ZNF738: variants seen among roughly 807,000 people sequenced by gnomAD.
The protein encoded by ZNF738 is zinc finger protein 738.
ZNF738 carries 10 observed loss-of-function variants against 9.2 expected under a neutral mutation model. The ratio of observed to expected loss-of-function variants is 1.09; its 90% CI spans 0.67 to 1.85. The LOEUF is 1.85. Ranked by LOEUF, ZNF738 falls within the 40% of genes most tolerant of loss-of-function variation. ZNF738 has a pLI of 0.00. For synonymous variants in ZNF738, 113 were observed against 94.5 expected (o/e 1.20, Z -1.14); for missense variants, 346 against 283.6 (o/e 1.22, Z -1.58).
In ZNF738 at chr19:21,386,668, A is replaced by C. The variant is rs1810509887; in HGVS notation, c.*2994A>C. 5.2e-6 allele frequency: 1 copy of C among 192,206 alleles called. No individual in the cohort carries two copies. The highest frequency in any genetic ancestry group is 2.4e-5 in the African/African-American group (1 of 42,146). 11.9% of individuals were successfully genotyped at this position (192,206 alleles called of 1,614,324 possible). A position where few individuals can be genotyped will look rare whatever the true frequency, so the allele number is the denominator to read the frequency against. ...AAAATTCATATTGGAGATTAACCTT[A>C]TGAGTGTGAAAAATATGGCAAAAGC... On this transcript the variant is annotated 3_prime_UTR_variant, in exon 5 of 5. Transcript: ENST00000683779.
At chr19:21,376,212 A>G (rs903072139) in intron 4 of ZNF738, 6 of 333,350 alleles carry the variant, frequency 1.8e-5, no homozygotes, top group African/African-American at 8.8e-5. Context: ...TTTTCCTTCA[A>G]GTTCACAGTG....
intron 2 of ZNF738, among the ~76,000 whole-genome samples, chr19:21,371,546 T>C (rs1973857122): frequency 6.6e-6 from 1 of 152,168 alleles, no homozygotes; most frequent in Non-Finnish European, 1.5e-5. Context: ...AACAAACTAA[T>C]TGCTTCCACT....
intron 2 of ZNF738, among the ~76,000 whole-genome samples, chr19:21,374,827 GA>G (rs569763815): frequency 3.4e-4 from 50 of 145,976 alleles, no homozygotes; most frequent in Admixed American, 6.9e-4. Flanking sequence ...CACATCTTCT[GA>G]AAAAAAAAAA....
intron 2 of ZNF738, among the ~76,000 whole-genome samples, chr19:21,368,242 C>CT (rs1265770800): frequency 2.6e-5 from 4 of 152,046 alleles, no homozygotes; most frequent in Admixed American, 6.6e-5. Flanking sequence ...CCTCTTTGTC[C>CT]TTTTATCCTT....
In ZNF738 at chr19:21,364,815, G is replaced by A. The variant is rs181696765; in HGVS notation, c.96+2957G>A. On this transcript the variant is annotated intron_variant, in intron 2 of 4. Coordinates refer to ENST00000683779, the MANE Select transcript of ZNF738 (RefSeq NM_001355237.2). The stretch of plus-strand genomic sequence containing the variant: ...GGCTGGAGTGCAGTGGCATGATCTC[G>A]ACTCATGGCAACTTCTGCCTTCTGG... Among the ~76,000 whole-genome samples, 133 of 143,652 alleles carry A rather than the reference G, an allele frequency of 9.3e-4. 1 individual carries two copies. In the East Asian group the frequency reaches 0.012, roughly 13 times the overall value. The allele number at this position is 143,652 out of a possible 152,430, so 94.2% of individuals were successfully genotyped here.
chr19:21,368,090 G>GAA (rs1190440420), intron 2 of ZNF738, among the ~76,000 whole-genome samples: 1 of 152,156 alleles, frequency 6.6e-6, no homozygotes, highest in Non-Finnish European at 1.5e-5. Context: ...TGCACGCATG[G>GAA]GTTTTTCTTA....
At chr19:21,373,368 G>A (rs759996674) in intron 2 of ZNF738, among the ~76,000 whole-genome samples, 31 of 152,136 alleles carry the variant, frequency 2.0e-4, no homozygotes, top group Non-Finnish European at 4.3e-4. Flanking sequence ...AGTGTGTGGG[G>A]TTCAAGATAC....
Position 21,359,012 on chromosome 19 carries a change from C to A in ZNF738, c.-129C>A, listed in dbSNP as rs565586694. The A allele has an allele frequency of 5.8e-5, 44 of 758,926 alleles. No individual in the cohort carries two copies. Among genetic ancestry groups the A allele is most frequent in the South Asian group, 5.8e-4 (43 of 74,496 alleles). 47.0% of individuals were successfully genotyped at this position (758,926 alleles called of 1,614,324 possible). A position where few individuals can be genotyped will look rare whatever the true frequency, so the allele number is the denominator to read the frequency against. ...TGTCCGCTTCTTTGTCTTTGGCTGC[C>A]GCTGGAACTCCGGGTCTCGTCTTCA... On this transcript the variant is annotated 5_prime_UTR_variant, in exon 1 of 5. Transcript: ENST00000683779.
At chr19:21,368,926 C>T (rs1361866002) in intron 2 of ZNF738, among the ~76,000 whole-genome samples, 7 of 151,930 alleles carry the variant, frequency 4.6e-5, no homozygotes, top group Non-Finnish European at 7.4e-5. Context: ...TTAGTAGACA[C>T]GGGGTTTTAG....
At chr19:21,368,377 T>C (rs922455960) in intron 2 of ZNF738, among the ~76,000 whole-genome samples, 1 of 152,226 alleles carries the variant, frequency 6.6e-6, no homozygotes, top group Non-Finnish European at 1.5e-5. Flanking sequence ...CTAAGAATAA[T>C]GGTCTCCAGC....
chr19:21,386,030 C>G lies in ZNF738; in HGVS notation c.*2356C>G, dbSNP rs1974063522. Among the ~76,000 whole-genome samples the G allele has an allele frequency of 6.6e-6, 1 of 151,876 alleles. No individual in the cohort carries two copies. The highest frequency in any genetic ancestry group is 2.4e-5 in the African/African-American group (1 of 41,318). ...GAAACCCTACAAATATGAAGAATAT[C>G]TCAAAACTTTTTATAGATTCTCATA... On this transcript the variant is annotated 3_prime_UTR_variant, in exon 5 of 5. Transcript: ENST00000683779.
intron 4 of ZNF738, chr19:21,377,990 T>C (rs1223485876): frequency 5.0e-6 from 2 of 397,110 alleles, no homozygotes; most frequent in Non-Finnish European, 8.9e-6. Context: ...TTCTTTCTTA[T>C]GTTGTTTTCT....
intron 2 of ZNF738, 146 bp downstream of exon 2, chr19:21,362,004 C>T: frequency 3.7e-6 from 2 of 535,732 alleles, no homozygotes; most frequent in East Asian, 3.3e-5. Context: ...ATCACTTGAT[C>T]CCGGGAGGCA....
intron 4 of ZNF738, chr19:21,381,488 C>A (rs902311865): frequency 9.1e-7 from 1 of 1,101,428 alleles, no homozygotes; most frequent in African/African-American, 1.6e-5. Flanking sequence ...CTCAGGCTTA[C>A]CTTTTTCTTT....
chr19:21,372,878 T>A (rs1198995739), intron 2 of ZNF738: 1 of 152,242 alleles, frequency 6.6e-6, no homozygotes, highest in Non-Finnish European at 1.5e-5. Flanking sequence ...ATTTAGACAT[T>A]GCTGCCTTCT....
chr19:21,364,199 A>AAAAAC (rs1459704249), intron 2 of ZNF738, among the ~76,000 whole-genome samples: 1 of 151,420 alleles, frequency 6.6e-6, no homozygotes, highest in Non-Finnish European at 1.5e-5. Flanking sequence ...TCCGTCTCAA[A>AAAAAC]AAAAAAAAAA....
chr19:21,372,207 G>T (rs1322329542), intron 2 of ZNF738: 2 of 152,176 alleles, frequency 1.3e-5, no homozygotes, highest in Non-Finnish European at 2.9e-5. Flanking sequence ...CTCCCAAAAT[G>T]CTGGGATTAC....
chr19:21,377,478 C>T (rs1017979478), intron 4 of ZNF738: 1 of 702,048 alleles, frequency 1.4e-6, no homozygotes, highest in Non-Finnish European at 2.6e-6. Context: ...ATATTTGGAA[C>T]CTTAGTGTGA....
At chr19:21,363,401 A>G (rs1973726431) in intron 2 of ZNF738, among the ~76,000 whole-genome samples, 1 of 152,178 alleles carries the variant, frequency 6.6e-6, no homozygotes, top group South Asian at 2.1e-4. Context: ...CCTCTCCTGC[A>G]GATGTTCTAG....
Sources: allele counts gnomAD v4.1 joint callset (sites outside exome capture counted in the v4.1 genomes callset), GRCh38; gene constraint gnomAD v4.1.1; transcripts MANE v1.5; gene names NCBI Gene and HGNC (gene_info 2026-07-23, HGNC 2026-07-21).